Variants in RANBP2 observed in about 807,000 individuals in gnomAD.
RANBP2 encodes the protein RAN binding protein 2.
A neutral mutation model predicts 303.6 loss-of-function variants in RANBP2; 57 were observed. The observed-to-expected ratio is 0.19, with a 90% CI of 0.15 to 0.23. The LOEUF is 0.23. Among genes scored for constraint, RANBP2 ranks in the 10% least tolerant of loss-of-function variants. RANBP2 has a pLI of 1.00. For missense variants in RANBP2, 3,138 were observed against 3,780.8 expected (o/e 0.83, Z 4.46); for synonymous variants, 1,167 against 1,301.5 (o/e 0.90, Z 2.23).
At chr2:109,546,217 GTGCTCAAATTTGGC>G in the RANBP2 span, 1 of 1,571,364 alleles carries the variant, frequency 6.4e-7, no homozygotes, top group Non-Finnish European at 8.6e-7. Context: ...GTCTCTTAAG[GTGCTCAAATTTGGC>G]CTGTAGCTGG....
chr2:109,073,561 C>T, the RANBP2 span, among the ~76,000 whole-genome samples: 2 of 149,888 alleles, frequency 1.3e-5, no homozygotes, highest in African/African-American at 2.4e-5. Context: ...CCCAGCTACT[C>T]GGGAGGCTGA....
chr2:109,351,794 A>T, the RANBP2 span, among the ~76,000 whole-genome samples: 1 of 152,236 alleles, frequency 6.6e-6, no homozygotes, highest in Non-Finnish European at 1.5e-5. Flanking sequence ...GGCTGCAGCC[A>T]CTGTGCTGTC....
At chr2:109,175,122 T>C in the RANBP2 span, among the ~76,000 whole-genome samples, 2 of 152,260 alleles carry the variant, frequency 1.3e-5, no homozygotes, top group South Asian at 2.1e-4. Flanking sequence ...GTAGTCCTGG[T>C]CATTATCAGT....
At chr2:108,877,755 AG>A in the RANBP2 span, among the ~76,000 whole-genome samples, 2 of 152,194 alleles carry the variant, frequency 1.3e-5, no homozygotes, top group Non-Finnish European at 2.9e-5. Context: ...GGCCAAAGAA[AG>A]AACTGCATGT....
chr2:108,985,980 C>T, the RANBP2 span, among the ~76,000 whole-genome samples: 1 of 152,168 alleles, frequency 6.6e-6, no homozygotes, highest in Non-Finnish European at 1.5e-5. Flanking sequence ...TAATGAATGG[C>T]TGATCCCTGC....
At chr2:108,728,243 A>G (rs1694884919) in intron 1 of RANBP2, among the ~76,000 whole-genome samples, 1 of 152,164 alleles carries the variant, frequency 6.6e-6, no homozygotes. Flanking sequence ...GGCTGATGAA[A>G]ATTCTTCTGT....
chr2:108,788,681 C>T (rs372085573), downstream of RANBP2: 56 of 452,688 alleles, frequency 1.2e-4, no homozygotes, highest in African/African-American at 8.1e-4. Flanking sequence ...GATTGCGCCA[C>T]TGCACTCCAG....
chr2:108,909,975 G>A, the RANBP2 span, among the ~76,000 whole-genome samples: 1 of 152,220 alleles, frequency 6.6e-6, no homozygotes. Context: ...CTTGCTCCTG[G>A]GCTGTGGAGG....
the RANBP2 span, among the ~76,000 whole-genome samples, chr2:109,642,550 C>A: frequency 6.6e-6 from 1 of 150,422 alleles, no homozygotes; most frequent in East Asian, 2.0e-4. Context: ...GAGATTGAGA[C>A]CATCCTGGCT....
At chr2:108,964,784 C>T in the RANBP2 span, among the ~76,000 whole-genome samples, 2 of 152,174 alleles carry the variant, frequency 1.3e-5, no homozygotes, top group African/African-American at 4.8e-5. Flanking sequence ...CTTGCTTCTA[C>T]CCAGAGAGCT....
chr2:109,655,735 C>T, the RANBP2 span, among the ~76,000 whole-genome samples: 1 of 152,124 alleles, frequency 6.6e-6, no homozygotes, highest in Admixed American at 6.5e-5. Context: ...TTCCTTAAAG[C>T]CGAAAGATTC....
the RANBP2 span, among the ~76,000 whole-genome samples, chr2:109,430,219 G>A: frequency 2.6e-5 from 4 of 152,230 alleles, no homozygotes; most frequent in Non-Finnish European, 5.9e-5. Flanking sequence ...ACCCGGCTGC[G>A]CATTCTGCAT....
chr2:109,702,719 G>A, the RANBP2 span, among the ~76,000 whole-genome samples: 1 of 151,990 alleles, frequency 6.6e-6, no homozygotes, highest in Non-Finnish European at 1.5e-5. Flanking sequence ...TGGGAGTTTT[G>A]AAAGTGCTAG....
the RANBP2 span, among the ~76,000 whole-genome samples, chr2:108,836,442 G>A: frequency 6.6e-6 from 1 of 152,192 alleles, no homozygotes; most frequent in African/African-American, 2.4e-5. Flanking sequence ...CATGGCTATT[G>A]TGAATAGTGC....
chr2:109,693,970 A>C, the RANBP2 span, among the ~76,000 whole-genome samples: 4 of 152,330 alleles, frequency 2.6e-5, no homozygotes, highest in East Asian at 7.7e-4. Context: ...AAAATGTAAT[A>C]GCTGCAAAGT....
the RANBP2 span, among the ~76,000 whole-genome samples, chr2:109,023,830 A>T: frequency 6.6e-6 from 1 of 152,096 alleles, no homozygotes; most frequent in Admixed American, 6.6e-5. Context: ...ACAAAAACAA[A>T]CAAACAAAAA....
chr2:109,565,769 C>T, the RANBP2 span: 2 of 1,613,358 alleles, frequency 1.2e-6, no homozygotes, highest in Non-Finnish European at 8.5e-7. Context: ...TTACCTTGTA[C>T]AACACCCCAA....
At chr2:109,436,771 C>T in the RANBP2 span, 1 of 1,427,542 alleles carries the variant, frequency 7.0e-7, no homozygotes, top group East Asian at 2.5e-5. Flanking sequence ...GGACCTCGTC[C>T]CCAGATCAGT....
chr2:109,735,294 CAT>C, the RANBP2 span, among the ~76,000 whole-genome samples: 1 of 152,144 alleles, frequency 6.6e-6, no homozygotes, highest in South Asian at 2.1e-4. Context: ...TTTCAGTTAA[CAT>C]AAAATCCTCT....
Sources: gnomAD v4.1 joint callset for allele counts (sites outside exome capture counted in the v4.1 genomes callset) on GRCh38, gnomAD v4.1.1 for gene constraint, MANE v1.5 for transcripts, NCBI Gene and HGNC (gene_info 2026-07-23, HGNC 2026-07-21) for gene names.